PIK3CD: variants seen among roughly 807,000 people sequenced by gnomAD.
PIK3CD encodes the protein phosphatidylinositol-4,5-bisphosphate 3-kinase catalytic subunit delta.
PIK3CD carries 20 observed loss-of-function variants against 122.9 expected under a neutral mutation model. The ratio of observed to expected loss-of-function variants is 0.16; its 90% CI spans 0.11 to 0.24. PIK3CD has a LOEUF of 0.24. Among genes scored for constraint, PIK3CD ranks in the 10% least tolerant of loss-of-function variants. The pLI, the probability that PIK3CD is intolerant of heterozygous loss-of-function variation, is 1.00. For missense variants in PIK3CD, 787 were observed against 1,406.3 expected (o/e 0.56, Z 7.04); for synonymous variants, 596 against 593.4 (o/e 1.00, Z -0.06).
In PIK3CD at chr1:9,715,052, C is replaced by T. The variant is rs1557658729; in HGVS notation, c.142-489C>T. ...TTTAGCCAGGCATGGTGGTGCATGCCTATAATCCCAGCTACTCGGGAGGCT... is the reference window on the plus strand; with the variant it reads ...TTTAGCCAGGCATGGTGGTGCATGCTTATAATCCCAGCTACTCGGGAGGCT... On this transcript the variant is annotated intron_variant, in intron 3 of 23. Transcript: ENST00000377346. This position sits in a 1 kb window ranked among gnomAD's most constrained non-coding sequence, Gnocchi z 4.1. 6.6e-6 allele frequency among the ~76,000 whole-genome samples: 1 copy of T among 152,100 alleles called. No homozygotes were observed. Among genetic ancestry groups the T allele is most frequent in the Non-Finnish European group, 1.5e-5 (1 of 68,024 alleles).
rs765640030 is a variant in PIK3CD, at chr1:9,722,087, C to T, written c.2168C>T (p.Ala723Val). The change falls in exon 17 of 24, where the codon GCC (alanine) becomes GTC (valine). Residue 723 changes from alanine (A) to valine (V), a missense_variant. By Grantham distance (64) the Ala-to-Val change is moderately conservative. Transcript: ENST00000377346. The surrounding 1 kb of genome is among the most constrained non-coding windows in gnomAD (Gnocchi z 7.6). Reference protein sequence around the residue: ...ELMHLCMRQEAYLEALSHLQS... With the variant: ...ELMHLCMRQEVYLEALSHLQS... ...ATGCACTTGTGCATGCGGCAGGAGG[C>T]CTACCTAGAGGCCCTCTCCCACCTG... 36 of 1,613,384 alleles carry T rather than the reference C, an allele frequency of 2.2e-5. No individual in the cohort carries two copies. The highest frequency in any genetic ancestry group is 2.7e-5 in the African/African-American group (2 of 74,930).
chr1:9,723,944 A>G lies in PIK3CD; in HGVS notation c.2595-25A>G, dbSNP rs1448497772. ...GGCGGAGCTGCAAAATGGTATGGCC[A>G]TGCTTTTTAATCTTCCCCACCCAGG... On this transcript the variant is annotated intron_variant, in intron 20 of 23. Transcript: ENST00000377346. The surrounding 1 kb of genome is among the most constrained non-coding windows in gnomAD (Gnocchi z 4.9). 6.2e-7 allele frequency: 1 copy of G among 1,612,940 alleles called. No individual in the cohort carries two copies. The highest frequency in any genetic ancestry group is 8.5e-7 in the Non-Finnish European group (1 of 1,179,096).
the PIK3CD span, among the ~76,000 whole-genome samples, chr1:9,627,267 C>T: frequency 1.3e-5 from 2 of 152,242 alleles, no homozygotes; most frequent in African/African-American, 2.4e-5. Context: ...GGGGAGACGC[C>T]GGCTGGGCGA....
chr1:9,715,919 C>T lies in PIK3CD; in HGVS notation c.441C>T (p.Cys147=), dbSNP rs1179525817. 11 of 1,612,090 alleles carry T rather than the reference C, an allele frequency of 6.8e-6. No homozygotes were observed. The highest frequency in any genetic ancestry group is 1.3e-5 in the African/African-American group (1 of 74,918). Residue 147 remains cysteine (C), a synonymous_variant, in exon 5 of 24, where the codon TGC becomes TGT. Coordinates refer to ENST00000377346, the MANE Select transcript of PIK3CD (RefSeq NM_005026.5). This position sits in a 1 kb window ranked among gnomAD's most constrained non-coding sequence, Gnocchi z 4.1. ...NDFRAKMCQF[C]EEAAARRQQL... is the part of the protein sequence containing the mutation. The stretch of plus-strand genomic sequence containing the variant: ...TTCGCGCCAAGATGTGCCAATTCTG[C>T]GAGGAGGCGGCCGCCCGCCGGCAGC...
intron 1 of PIK3CD, among the ~76,000 whole-genome samples, chr1:9,685,338 C>CT (rs972879519): frequency 2.4e-4 from 37 of 151,722 alleles, no homozygotes; most frequent in African/African-American, 7.0e-4. Context: ...TCTTTAGTTG[C>CT]TTTTTTTTGG....
At chr1:9,665,977 A>G (rs1258878628) in intron 1 of PIK3CD, among the ~76,000 whole-genome samples, 1 of 152,120 alleles carries the variant, frequency 6.6e-6, no homozygotes. Flanking sequence ...CCCAGGCTGG[A>G]GTGCAATGGC....
rs1211522049 is a variant in PIK3CD, at chr1:9,652,343, T to C, written c.-138+541T>C. Reference sequence around the variant, plus strand: ...GCACAGTTCGCCGGCGCCCGGGTCCTGTGCGCCCTTCCCAGCCTGGGCAAG... The same window carrying C: ...GCACAGTTCGCCGGCGCCCGGGTCCCGTGCGCCCTTCCCAGCCTGGGCAAG... On this transcript the variant is annotated intron_variant, in intron 1 of 23. Transcript: ENST00000377346. The surrounding 1 kb of genome is among the most constrained non-coding windows in gnomAD (Gnocchi z 6.2). Among the ~76,000 whole-genome samples, 2 of 152,082 alleles carry C rather than the reference T, an allele frequency of 1.3e-5. No individual in the cohort carries two copies. Among genetic ancestry groups the C allele is most frequent in the Admixed American group, 1.3e-4 (2 of 15,280 alleles).
intron 6 of PIK3CD, 38 bp downstream of exon 6, chr1:9,716,657 AC>A (rs1375229001): frequency 6.5e-7 from 1 of 1,540,340 alleles, no homozygotes; most frequent in African/African-American, 1.4e-5. Context: ...TGGGCTCCCA[AC>A]GCCCTGGATA....
the PIK3CD span, among the ~76,000 whole-genome samples, chr1:9,640,039 ACCT>A: frequency 1.4e-5 from 2 of 142,310 alleles, no homozygotes; most frequent in African/African-American, 5.2e-5. Flanking sequence ...ACCGTGCCCG[ACCT>A]CCTTTCTTTC....
chr1:9,688,007 C>T (rs1284650978), intron 1 of PIK3CD, among the ~76,000 whole-genome samples: 2 of 152,186 alleles, frequency 1.3e-5, no homozygotes, highest in East Asian at 3.9e-4. Flanking sequence ...AAGCGTCAGG[C>T]CTGGCTGCGC....
the PIK3CD span, among the ~76,000 whole-genome samples, chr1:9,628,954 G>A: frequency 1.2e-4 from 18 of 149,230 alleles, no homozygotes; most frequent in Non-Finnish European, 2.2e-4. Flanking sequence ...AGAAGCCCCC[G>A]TTTGCCGTCT....
the PIK3CD span, among the ~76,000 whole-genome samples, chr1:9,640,803 A>C: frequency 1.3e-5 from 2 of 152,006 alleles, no homozygotes; most frequent in Non-Finnish European, 2.9e-5. Flanking sequence ...GTCAAATCCA[A>C]ATCCTCAGCT....
At chr1:9,640,346 AAGGC>A in the PIK3CD span, among the ~76,000 whole-genome samples, 11 of 151,930 alleles carry the variant, frequency 7.2e-5, no homozygotes, top group African/African-American at 2.7e-4. Context: ...TTGGGAGGCC[AAGGC>A]AGGTGGATCA....
intron 1 of PIK3CD, among the ~76,000 whole-genome samples, chr1:9,674,916 C>T (rs1645461257): frequency 6.6e-6 from 1 of 150,532 alleles, no homozygotes; most frequent in Non-Finnish European, 1.5e-5. Context: ...ACCTGTAGTC[C>T]CAGCTACTCC....
intron 1 of PIK3CD, among the ~76,000 whole-genome samples, chr1:9,659,694 TGTA>T: frequency 6.6e-6 from 1 of 152,194 alleles, no homozygotes; most frequent in Non-Finnish European, 1.5e-5. Flanking sequence ...TGTGGGGGTA[TGTA>T]TCAGAATTTC....
chr1:9,659,977 G>A (rs757663097), intron 1 of PIK3CD, among the ~76,000 whole-genome samples: 42 of 152,062 alleles, frequency 2.8e-4, no homozygotes, highest in Admixed American at 2.4e-3. Context: ...GTGCAATGGC[G>A]CGATCTTGGC....
At position 9,718,876 on chromosome 1, in the gene PIK3CD, C is replaced by G; in HGVS notation, c.1203C>G (p.Ala401=). The G allele has an allele frequency of 6.2e-7, 1 of 1,613,142 alleles. No individual in the cohort carries two copies. The highest frequency in any genetic ancestry group is 1.1e-5 in the South Asian group (1 of 91,076). Residue 401 remains alanine (A), a synonymous_variant, in exon 9 of 24, where the codon GCC becomes GCG. Transcript: ENST00000377346. This position sits in a 1 kb window ranked among gnomAD's most constrained non-coding sequence, Gnocchi z 7.2. ...CGCTGTACGCCGTGATCGAGAAAGC[C>G]AAGAAGGCTCGCTCCACCAAGAAGA... ...CFALYAVIEK[A]KKARSTKKKS...
the PIK3CD span, among the ~76,000 whole-genome samples, chr1:9,639,931 G>A: frequency 3.3e-5 from 5 of 151,566 alleles, no homozygotes; most frequent in African/African-American, 7.3e-5. Flanking sequence ...TAGTGGAGAC[G>A]AGGGCTCACT....
At chr1:9,654,190 C>G in intron 1 of PIK3CD, 1 of 1,361,656 alleles carries the variant, frequency 7.3e-7, no homozygotes, top group Non-Finnish European at 9.8e-7. Context: ...ATTGGCCACA[C>G]TACTCACTTA....
Sources: allele counts gnomAD v4.1 joint callset (sites outside exome capture counted in the v4.1 genomes callset), GRCh38; gene constraint gnomAD v4.1.1; non-coding constraint Gnocchi (gnomAD v3.1); transcripts MANE v1.5; gene names NCBI Gene and HGNC (gene_info 2026-07-23, HGNC 2026-07-21).